SNTG1: variants seen among roughly 807,000 people sequenced by gnomAD.
The protein encoded by SNTG1 is syntrophin gamma 1.
A neutral mutation model predicts 74.7 loss-of-function variants in SNTG1; 39 were observed. The observed-to-expected ratio is 0.52, with a 90% confidence interval of 0.40 to 0.68. The LOEUF (loss-of-function observed/expected upper bound fraction) is 0.68, where lower values mean the gene tolerates loss of function less well. Ranked by LOEUF, SNTG1 falls within the 30% of genes least tolerant of loss-of-function variation. SNTG1 has a pLI of 0.00. For missense variants in SNTG1, 685 were observed against 609.5 expected (o/e 1.12, Z -1.30); for synonymous variants, 254 against 217.1 (o/e 1.17, Z -1.49).
At position 50,571,718 on chromosome 8, in the gene SNTG1, T is replaced by TA. The variant is rs1422685504; in HGVS notation, c.810+18542dup. On this transcript the variant is annotated intron_variant, in intron 12 of 18. Transcript: ENST00000642720. ...GGACTAAGGAAACAACTTTCACCTC[T>TA]AAATGTTCATTGCAGAGTACTGAAT... is the stretch of plus-strand genomic sequence containing the variant. Among the ~76,000 whole-genome samples the TA allele has an allele frequency of 1.3e-5, 2 of 152,212 alleles. 1 individual carries two copies. The highest frequency in any genetic ancestry group is 1.3e-4 in the Admixed American group (2 of 15,280).
In SNTG1 at chr8:50,227,400, G is replaced by T. The variant is rs80063913; in HGVS notation, c.-28+54765G>T. Among the ~76,000 whole-genome samples, 56 of 152,220 alleles carry T rather than the reference G, an allele frequency of 3.7e-4. No homozygotes were observed. The East Asian group carries it at 0.01, about 27-fold the overall frequency. On this transcript the variant is annotated intron_variant, in intron 2 of 18. Transcript: ENST00000642720. ...GTAATCATTGTGAAACAGGTCTTGA[G>T]AAATCTTCATTAGAAAACCTACTCT...
chr8:50,021,296 T>G (rs1816792967), intron 1 of SNTG1, among the ~76,000 whole-genome samples: 1 of 152,210 alleles, frequency 6.6e-6, no homozygotes, highest in African/African-American at 2.4e-5. Flanking sequence ...ACCACCTTTA[T>G]TTGAATCCTG....
chr8:50,627,889 TTATGGAGAC>T (rs1381209012), intron 13 of SNTG1, among the ~76,000 whole-genome samples: 1 of 152,166 alleles, frequency 6.6e-6, no homozygotes, highest in African/African-American at 2.4e-5. Context: ...TTTTGAGTTC[TTATGGAGAC>T]TGCATTACAT....
intron 8 of SNTG1, among the ~76,000 whole-genome samples, chr8:50,500,384 T>C (rs1250908969): frequency 2.0e-5 from 3 of 152,092 alleles, no homozygotes; most frequent in African/African-American, 7.2e-5. Context: ...ATTTGTATAA[T>C]ATCTATTTGG....
At chr8:50,102,420 T>C (rs2080173203) in intron 1 of SNTG1, among the ~76,000 whole-genome samples, 1 of 149,992 alleles carries the variant, frequency 6.7e-6, no homozygotes. Flanking sequence ...GTTTTTTTCT[T>C]GTAAATTTGT....
At chr8:50,091,989 A>G (rs1455958171) in intron 1 of SNTG1, among the ~76,000 whole-genome samples, 3 of 152,146 alleles carry the variant, frequency 2.0e-5, no homozygotes, top group Admixed American at 6.6e-5. Context: ...TAAAAAAAAC[A>G]AAAACCAAAA....
At chr8:50,248,455 C>A (rs989979727) in intron 2 of SNTG1, among the ~76,000 whole-genome samples, 3 of 152,266 alleles carry the variant, frequency 2.0e-5, no homozygotes, top group Admixed American at 6.5e-5. Context: ...TTACTTGTCC[C>A]AAAGATTTTT....
chr8:50,038,363 G>C (rs1311242416), intron 1 of SNTG1, among the ~76,000 whole-genome samples: 1 of 152,132 alleles, frequency 6.6e-6, no homozygotes. Flanking sequence ...GATCACATTG[G>C]CACTGTGGTC....
chr8:49,927,598 A>G (rs911808703), intron 1 of SNTG1, among the ~76,000 whole-genome samples: 8 of 152,236 alleles, frequency 5.3e-5, no homozygotes, highest in Non-Finnish European at 1.2e-4. Context: ...TTCCAACTAT[A>G]TGACATTCTG....
intron 2 of SNTG1, among the ~76,000 whole-genome samples, chr8:50,187,699 G>T (rs2083434685): frequency 6.6e-6 from 1 of 152,132 alleles, no homozygotes; most frequent in African/African-American, 2.4e-5. Context: ...GAGGTCCATG[G>T]TCAGAAACAA....
chr8:50,270,284 C>T (rs1167842769), intron 2 of SNTG1, among the ~76,000 whole-genome samples: 2 of 152,040 alleles, frequency 1.3e-5, no homozygotes, highest in Admixed American at 6.6e-5. Context: ...TGGGGCCACA[C>T]AGAGATGAAA....
chr8:50,144,312 G>T (rs1563653685), intron 1 of SNTG1, among the ~76,000 whole-genome samples: 1 of 152,174 alleles, frequency 6.6e-6, no homozygotes, highest in Non-Finnish European at 1.5e-5. Flanking sequence ...ACATAAAAAT[G>T]GAGACAATAG....
At chr8:50,663,098 G>C (rs967968318) in intron 15 of SNTG1, among the ~76,000 whole-genome samples, 1 of 152,094 alleles carries the variant, frequency 6.6e-6, no homozygotes, top group Admixed American at 6.6e-5. Context: ...GGCAGGGGTT[G>C]GAGTCCAGCC....
intron 2 of SNTG1, among the ~76,000 whole-genome samples, chr8:50,319,473 T>A (rs543949013): frequency 4.6e-5 from 7 of 152,226 alleles, no homozygotes; most frequent in Non-Finnish European, 1.0e-4. Flanking sequence ...TTTAGGGAAG[T>A]CTTTAGGTTG....
chr8:50,202,356 C>T (rs1170649589), intron 2 of SNTG1, among the ~76,000 whole-genome samples: 1 of 151,988 alleles, frequency 6.6e-6, no homozygotes, highest in Non-Finnish European at 1.5e-5. Flanking sequence ...TCCTGTCCTC[C>T]CCTCCTTCCC....
chr8:50,262,874 CATTCTGG>C (rs558301273), intron 2 of SNTG1, among the ~76,000 whole-genome samples: 572 of 152,222 alleles, frequency 3.8e-3, no homozygotes, highest in Non-Finnish European at 5.8e-3. Context: ...AAATATATGG[CATTCTGG>C]AGAAGACAGA....
intron 1 of SNTG1, among the ~76,000 whole-genome samples, chr8:49,982,287 C>T (rs1314481193): frequency 6.6e-6 from 1 of 151,932 alleles, no homozygotes; most frequent in Non-Finnish European, 1.5e-5. Flanking sequence ...CATCTGAATC[C>T]TTCATTTTGA....
intron 1 of SNTG1, among the ~76,000 whole-genome samples, chr8:50,057,674 T>G (rs1434707946): frequency 6.6e-6 from 1 of 152,124 alleles, no homozygotes; most frequent in Non-Finnish European, 1.5e-5. Context: ...GTACACAGAA[T>G]GAAGTGTCAT....
chr8:50,074,603 A>T (rs534209677), intron 1 of SNTG1, among the ~76,000 whole-genome samples: 1 of 152,224 alleles, frequency 6.6e-6, no homozygotes, highest in Non-Finnish European at 1.5e-5. Flanking sequence ...AATAATTATT[A>T]TAGTAACATT....
Sources: allele counts gnomAD v4.1 joint callset (sites outside exome capture counted in the v4.1 genomes callset), GRCh38; gene constraint gnomAD v4.1.1; transcripts MANE v1.5; gene names NCBI Gene and HGNC (gene_info 2026-07-23, HGNC 2026-07-21).